AGPS: variants seen among roughly 807,000 people sequenced by gnomAD.
AGPS encodes the protein alkyldihydroxyacetonephosphate synthase, peroxisomal.
AGPS carries 26 observed loss-of-function variants against 90.7 expected under a neutral mutation model. That is an observed-to-expected ratio of 0.29 (90% confidence interval 0.21 to 0.40). The LOEUF is 0.40. Among genes scored for constraint, AGPS ranks in the 10% least tolerant of loss-of-function variants. The pLI, the probability that AGPS is intolerant of heterozygous loss-of-function variation, is 1.00. For synonymous variants in AGPS, 294 were observed against 285.3 expected, an observed-to-expected ratio of 1.03 and a Z score of -0.31; for missense variants, 540 against 816.1, an observed-to-expected ratio of 0.66 and a Z score of 4.12.
chr2:177,440,862 G>A, intron 5 of AGPS, 103 bp from the exon 6 acceptor site: 1 of 937,684 alleles, frequency 1.1e-6, no homozygotes, highest in Non-Finnish European at 1.7e-6. Context: ...GCAAATGAAT[G>A]AAGGAAAAGT....
At chr2:177,489,792 A>G (rs1688196676) in intron 11 of AGPS, among the ~76,000 whole-genome samples, 1 of 152,246 alleles carries the variant, frequency 6.6e-6, no homozygotes, top group Non-Finnish European at 1.5e-5. Flanking sequence ...AGTTTTAGTA[A>G]GCAATTTCTG....
chr2:177,439,218 C>T (rs1686519429), intron 5 of AGPS, among the ~76,000 whole-genome samples: 1 of 152,070 alleles, frequency 6.6e-6, no homozygotes, highest in South Asian at 2.1e-4. Context: ...GTGAATAAAA[C>T]AAAAATCCGT....
chr2:177,393,969 T>G (rs1685097276), intron 1 of AGPS, among the ~76,000 whole-genome samples: 1 of 152,200 alleles, frequency 6.6e-6, no homozygotes, highest in Admixed American at 6.5e-5. Context: ...AATCCTTTGT[T>G]TCTTCCCAAG....
At chr2:177,446,383 C>G (rs549853815) in intron 8 of AGPS, among the ~76,000 whole-genome samples, 1 of 152,044 alleles carries the variant, frequency 6.6e-6, no homozygotes, top group Non-Finnish European at 1.5e-5. Context: ...CCTCGTGATC[C>G]GCCCGCCTCG....
At chr2:177,533,884 T>A (rs983950655) in intron 19 of AGPS, among the ~76,000 whole-genome samples, 2 of 152,226 alleles carry the variant, frequency 1.3e-5, no homozygotes, top group Non-Finnish European at 2.9e-5. Flanking sequence ...TAAAGAGATA[T>A]CCAGGATACT....
At chr2:177,490,136 G>GT (rs1419970848) in intron 11 of AGPS, among the ~76,000 whole-genome samples, 1 of 152,122 alleles carries the variant, frequency 6.6e-6, no homozygotes, top group East Asian at 1.9e-4. Flanking sequence ...AATTGATGTT[G>GT]TTTTTTAAGA....
intron 3 of AGPS, among the ~76,000 whole-genome samples, chr2:177,435,083 ATTG>A (rs931529399): frequency 1.4e-5 from 2 of 143,810 alleles, no homozygotes; most frequent in Admixed American, 7.0e-5. Context: ...TGTTTTTATT[ATTG>A]TTGCATTTCT....
At chr2:177,529,759 C>G (rs1418146628) in intron 19 of AGPS, among the ~76,000 whole-genome samples, 1 of 152,132 alleles carries the variant, frequency 6.6e-6, no homozygotes, top group African/African-American at 2.4e-5. Flanking sequence ...TGTCTTAAAA[C>G]CAATATAAAT....
chr2:177,420,054 G>T (rs983401171), intron 1 of AGPS, among the ~76,000 whole-genome samples: 1 of 151,692 alleles, frequency 6.6e-6, no homozygotes, highest in Admixed American at 6.6e-5. Context: ...ATTGGTTGTA[G>T]CCCTCTGTGA....
intron 1 of AGPS, among the ~76,000 whole-genome samples, chr2:177,401,977 G>T (rs765337266): frequency 3.9e-5 from 6 of 152,042 alleles, no homozygotes; most frequent in Non-Finnish European, 5.9e-5. Context: ...GTATTTATTG[G>T]TTACTTATGT....
At chr2:177,457,856 A>G (rs1452198624) in intron 8 of AGPS, among the ~76,000 whole-genome samples, 2 of 152,210 alleles carry the variant, frequency 1.3e-5, no homozygotes, top group Non-Finnish European at 2.9e-5. Context: ...TCATCCTGAT[A>G]TCAAAACCTG....
intron 6 of AGPS, chr2:177,441,353 T>G (rs141737604): frequency 0.01 from 2,741 of 265,898 alleles, 33 homozygotes; most frequent in Non-Finnish European, 0.016. Context: ...AATTTTCTTT[T>G]TCAAAAGCTA....
intron 19 of AGPS, among the ~76,000 whole-genome samples, chr2:177,534,713 A>C (rs1015262120): frequency 6.6e-6 from 1 of 151,602 alleles, no homozygotes; most frequent in African/African-American, 2.4e-5. Context: ...CAATCTCCTG[A>C]GTAGCTGAGA....
At chr2:177,493,653 T>C (rs1380443375) in intron 12 of AGPS, among the ~76,000 whole-genome samples, 5 of 152,080 alleles carry the variant, frequency 3.3e-5, no homozygotes, top group African/African-American at 9.7e-5. Flanking sequence ...GGGGTTAGAG[T>C]TGTTACATGA....
chr2:177,468,649 T>G lies in AGPS; in HGVS notation c.1105+125T>G, dbSNP rs943637355. The G allele has an allele frequency of 1.2e-4, 84 of 679,236 alleles. No homozygotes were observed. The African/African-American group carries it at 1.2e-3, about 10-fold the overall frequency. 42.1% of individuals were successfully genotyped at this position (679,236 alleles called of 1,614,324 possible). Reference sequence around the variant, plus strand: ...TTATATGTTTAAGGAATTTTTTAAATTTTTATCATTTTAAGACTATAAAGT... The same window carrying G: ...TTATATGTTTAAGGAATTTTTTAAAGTTTTATCATTTTAAGACTATAAAGT... On this transcript the variant is annotated intron_variant, in intron 10 of 19. Transcript: ENST00000264167.
chr2:177,475,444 A>G (rs1687754823), intron 10 of AGPS, among the ~76,000 whole-genome samples: 1 of 152,124 alleles, frequency 6.6e-6, no homozygotes, highest in East Asian at 1.9e-4. Flanking sequence ...TTTAGCTATC[A>G]CCATTCCTCC....
At chr2:177,454,044 A>G (rs893692035) in intron 8 of AGPS, among the ~76,000 whole-genome samples, 7 of 144,642 alleles carry the variant, frequency 4.8e-5, no homozygotes, top group Non-Finnish European at 1.1e-4. Context: ...TTTGATTGTC[A>G]TGGACCTTGG....
chr2:177,466,347 T>TTGGTCCATGGGTGGTTA, intron 9 of AGPS, among the ~76,000 whole-genome samples: 1 of 152,328 alleles, frequency 6.6e-6, no homozygotes, highest in East Asian at 1.9e-4. Flanking sequence ...TTTGTGCTGA[T>TTGGTCCATGGGTGGTTA]TGGTCCATGG....
intron 8 of AGPS, among the ~76,000 whole-genome samples, chr2:177,451,608 G>A (rs373104615): frequency 1.3e-5 from 2 of 152,000 alleles, no homozygotes; most frequent in African/African-American, 4.8e-5. Flanking sequence ...GGAGAGATGT[G>A]TTCAGTCCTT....
Sources: gnomAD v4.1 joint callset for allele counts (sites outside exome capture counted in the v4.1 genomes callset) on GRCh38, gnomAD v4.1.1 for gene constraint, MANE v1.5 for transcripts, NCBI Gene and HGNC (gene_info 2026-07-23, HGNC 2026-07-21) for gene names.